The following FHAD1 variants were observed in gnomAD, a reference collection of about 807,000 sequenced individuals.
FHAD1 encodes the protein forkhead-associated domain-containing protein 1.
FHAD1 carries 146 observed loss-of-function variants against 191.3 expected under a neutral mutation model. The observed-to-expected ratio is 0.76, with a 90% confidence interval of 0.67 to 0.88. FHAD1 has a LOEUF of 0.88. Among genes scored for constraint, FHAD1 ranks in the 40% least tolerant of loss-of-function variants. The pLI is 0.00. For missense variants in FHAD1, 1,635 were observed against 1,785.8 expected (o/e 0.92, Z 1.52); for synonymous variants, 616 against 672.3 (o/e 0.92, Z 1.29).
intron 5 of FHAD1, among the ~76,000 whole-genome samples, chr1:15,299,705 G>T (rs577308119): frequency 6.6e-6 from 1 of 152,350 alleles, no homozygotes; most frequent in East Asian, 1.9e-4. Flanking sequence ...AGGCTTCTCT[G>T]TACTTCAGTG....
At chr1:15,363,475 G>T (rs1042472156) in intron 23 of FHAD1, among the ~76,000 whole-genome samples, 3 of 152,174 alleles carry the variant, frequency 2.0e-5, no homozygotes, top group African/African-American at 7.2e-5. Context: ...GGCAAGTCAC[G>T]CCACCTCACT....
intron 4 of FHAD1, among the ~76,000 whole-genome samples, chr1:15,291,857 C>A (rs1664880094): frequency 6.6e-6 from 1 of 152,162 alleles, no homozygotes; most frequent in Non-Finnish European, 1.5e-5. Flanking sequence ...AGCCTCAGTT[C>A]TTCACCACTG....
At position 15,327,194 on chromosome 1, in the gene FHAD1, T is replaced by G; in HGVS notation, c.1557+52T>G. On this transcript the variant is annotated intron_variant, in intron 12 of 33. Transcript: ENST00000688493. This position sits in a 1 kb window ranked among gnomAD's most constrained non-coding sequence, Gnocchi z 5.1. ...CTCCTTCACTTTCCTCTTCTTCTTC[T>G]TCGTGGATCTGGATTCCAGACCCTG... The G allele has an allele frequency of 8.1e-7, 1 of 1,240,814 alleles. No homozygotes were observed. The highest frequency in any genetic ancestry group is 1.2e-6 in the Non-Finnish European group (1 of 869,414). The allele number at this position is 1,240,814 out of a possible 1,614,324, so 76.9% of individuals were successfully genotyped here. A position where few individuals can be genotyped will look rare whatever the true frequency, so the allele number is the denominator to read the frequency against.
At chr1:15,388,278 TC>T (rs1702710665) in intron 32 of FHAD1, 147 bp downstream of exon 32, 10 of 150,756 alleles carry the variant, frequency 6.6e-5, no homozygotes, top group African/African-American at 1.8e-4. Flanking sequence ...CCTCTGCCCC[TC>T]GTCCCTCCCT....
chr1:15,292,373 G>A (rs1017324719), intron 4 of FHAD1, among the ~76,000 whole-genome samples: 5 of 146,984 alleles, frequency 3.4e-5, no homozygotes, highest in Admixed American at 6.7e-5. Context: ...TCGCTCTGTC[G>A]CCCAGGCTGG....
intron 4 of FHAD1, among the ~76,000 whole-genome samples, chr1:15,295,681 C>T (rs1666711334): frequency 6.6e-6 from 1 of 152,004 alleles, no homozygotes; most frequent in Non-Finnish European, 1.5e-5. Context: ...ATTTTCAATC[C>T]ACAGTTGGTT....
At chr1:15,358,018 C>CT (rs1206341541) in intron 20 of FHAD1, 92 bp from the exon 21 acceptor site, 1 of 882,922 alleles carries the variant, frequency 1.1e-6, no homozygotes, top group African/African-American at 1.7e-5. Context: ...AGAGAATAGA[C>CT]TTTACCCTGT....
chr1:15,255,131 G>A (rs1317333301), intron 2 of FHAD1, among the ~76,000 whole-genome samples: 3 of 66,338 alleles, frequency 4.5e-5, no homozygotes, highest in African/African-American at 1.4e-4. Context: ...AAAAAAGTCA[G>A]CTGTGAAATT....
chr1:15,253,840 A>C (rs1454784985), intron 2 of FHAD1, among the ~76,000 whole-genome samples: 2 of 152,204 alleles, frequency 1.3e-5, no homozygotes, highest in Non-Finnish European at 2.9e-5. Context: ...CTGTTGCAGA[A>C]GAGTGGTGAG....
intron 2 of FHAD1, among the ~76,000 whole-genome samples, chr1:15,271,138 C>CAGAA (rs201291335): frequency 1.5e-5 from 1 of 67,578 alleles, no homozygotes; most frequent in Non-Finnish European, 2.6e-5. Flanking sequence ...GACTCCATCT[C>CAGAA]GGAAAAAAAA....
chr1:15,257,845 T>G (rs1188015484), intron 2 of FHAD1, among the ~76,000 whole-genome samples: 3 of 152,158 alleles, frequency 2.0e-5, no homozygotes, highest in Non-Finnish European at 4.4e-5. Context: ...GTTGTTTTTT[T>G]GGGGGGAGGG....
chr1:15,294,399 G>A (rs373080702), intron 4 of FHAD1, among the ~76,000 whole-genome samples: 105 of 152,078 alleles, frequency 6.9e-4, no homozygotes, highest in South Asian at 1.5e-3. Context: ...GGGCTGTCCC[G>A]TGCATTGTTT....
chr1:15,345,448 C>G lies in FHAD1; in HGVS notation c.2271C>G (p.Asn757Lys). Residue 757 changes from asparagine to lysine, a missense_variant, in exon 18 of 34, where the codon AAC becomes AAG. Coordinates refer to ENST00000688493, the MANE Select transcript of FHAD1 (RefSeq NM_001391957.1). ...CGAAAAGCATTACCCAGGAGAAGAACAGAGTGAAGGAAGCATTAGAGGAAG... is the reference window on the plus strand; with the variant it reads ...CGAAAAGCATTACCCAGGAGAAGAAGAGAGTGAAGGAAGCATTAGAGGAAG... Reference protein sequence around the residue: ...ALAKSITQEKNRVKEALEEEQ... With the variant: ...ALAKSITQEKKRVKEALEEEQ... 1.3e-6 allele frequency: 2 copies of G among 1,552,302 alleles called. No homozygotes were observed. The highest frequency in any genetic ancestry group is 1.2e-5 in the South Asian group (1 of 84,060).
intron 31 of FHAD1, among the ~76,000 whole-genome samples, chr1:15,386,839 TC>T (rs1349161001): frequency 7.2e-6 from 1 of 139,508 alleles, no homozygotes; most frequent in East Asian, 2.0e-4. Flanking sequence ...TCTTTTTTTT[TC>T]CTTTCTTTCT....
intron 2 of FHAD1, among the ~76,000 whole-genome samples, chr1:15,252,409 T>C (rs2100796424): frequency 6.6e-6 from 1 of 152,290 alleles, no homozygotes; most frequent in East Asian, 1.9e-4. Context: ...TTTGGGATCA[T>C]TGGATGCTAT....
chr1:15,259,810 A>G (rs1650159992), intron 2 of FHAD1, among the ~76,000 whole-genome samples: 1 of 152,270 alleles, frequency 6.6e-6, no homozygotes, highest in Non-Finnish European at 1.5e-5. Flanking sequence ...CTCAGAGCAG[A>G]CCAAGCTGGA....
Position 15,329,704 on chromosome 1 carries a change from T to TAAAA in FHAD1, c.1906+171_1906+174dup. 1 of 435,398 alleles carries TAAAA rather than the reference T, an allele frequency of 2.3e-6. No individual in the cohort carries two copies. Among genetic ancestry groups the TAAAA allele is most frequent in the Non-Finnish European group, 4.0e-6 (1 of 247,390 alleles). 27.0% of individuals were successfully genotyped at this position (435,398 alleles called of 1,614,324 possible). A position where few individuals can be genotyped will look rare whatever the true frequency, so the allele number is the denominator to read the frequency against. Reference sequence around the variant, plus strand: ...CTCTGCTTGAGGCGTAATTTTCCATTAAAAAAAAAAACACACACATACAAG... The same window carrying TAAAA: ...CTCTGCTTGAGGCGTAATTTTCCATTAAAAAAAAAAAAAAACACACACATACAAG... On this transcript the variant is annotated intron_variant, in intron 14 of 33. Coordinates refer to ENST00000688493, the MANE Select transcript of FHAD1 (RefSeq NM_001391957.1). The surrounding 1 kb of genome is among the most constrained non-coding windows in gnomAD (Gnocchi z 5.0).
intron 2 of FHAD1, among the ~76,000 whole-genome samples, chr1:15,258,172 C>A (rs1649193665): frequency 6.6e-6 from 1 of 152,144 alleles, no homozygotes; most frequent in African/African-American, 2.4e-5. Context: ...CACCATCCAT[C>A]CACAAGAACT....
At chr1:15,278,390 T>C (rs534129188) in intron 3 of FHAD1, among the ~76,000 whole-genome samples, 2 of 151,874 alleles carry the variant, frequency 1.3e-5, no homozygotes, top group South Asian at 2.1e-4. Context: ...CACTATCTGC[T>C]AGGAACTGCG....
Sources: allele counts gnomAD v4.1 joint callset (sites outside exome capture counted in the v4.1 genomes callset), GRCh38; gene constraint gnomAD v4.1.1; non-coding constraint Gnocchi (gnomAD v3.1); transcripts MANE v1.5; gene names NCBI Gene and HGNC (gene_info 2026-07-23, HGNC 2026-07-21).